RBFOX2: variants seen among roughly 807,000 people sequenced by gnomAD.
RBFOX2 encodes RNA binding protein fox-1 homolog 2.
RBFOX2 carries 10 observed loss-of-function variants against 49.1 expected under a neutral mutation model. That is an observed-to-expected ratio of 0.20 (90% CI 0.13 to 0.35). The LOEUF is 0.35. Ranked by LOEUF, RBFOX2 falls within the 10% of genes least tolerant of loss-of-function variation. The probability of loss-of-function intolerance (pLI) is 1.00; values close to 1 mark genes in which losing one functional copy is unlikely to be tolerated. For synonymous variants in RBFOX2, 183 were observed against 187.4 expected (o/e 0.98, Z 0.19); for missense variants, 323 against 486.9 (o/e 0.66, Z 3.17).
chr22:35,997,197 T>C (rs2058228221), intron 1 of RBFOX2: 1 of 152,238 alleles, frequency 6.6e-6, no homozygotes, highest in Non-Finnish European at 1.5e-5. Context: ...CAAATGGTTT[T>C]GATCAACACA....
intron 1 of RBFOX2, among the ~76,000 whole-genome samples, chr22:36,003,717 A>G (rs1156831885): frequency 2.0e-5 from 3 of 152,276 alleles, no homozygotes. Flanking sequence ...GTGACATCTA[A>G]TTAATTTGAT....
intron 1 of RBFOX2, among the ~76,000 whole-genome samples, chr22:35,869,417 C>T (rs1297216409): frequency 7.1e-6 from 1 of 140,586 alleles, no homozygotes; most frequent in Non-Finnish European, 1.5e-5. Context: ...CCTCAGCCTC[C>T]CAAAATGCTG....
intron 1 of RBFOX2, among the ~76,000 whole-genome samples, chr22:35,817,480 A>G (rs1295516661): frequency 5.2e-5 from 2 of 38,362 alleles, no homozygotes; most frequent in East Asian, 6.1e-4. Context: ...TTGTCTCAAA[A>G]TAAATAAATA....
intron 1 of RBFOX2, among the ~76,000 whole-genome samples, chr22:35,987,056 T>C (rs932634393): frequency 4.6e-5 from 7 of 152,140 alleles, no homozygotes; most frequent in African/African-American, 1.7e-4. Context: ...ATAGGTTTGG[T>C]GTTTTATCTT....
At chr22:35,747,638 A>C (rs1933252258) in intron 9 of RBFOX2, 1 of 152,254 alleles carries the variant, frequency 6.6e-6, no homozygotes, top group Non-Finnish European at 1.5e-5. Flanking sequence ...TCTACTTTTT[A>C]TTATTTATGA....
upstream of RBFOX2, among the ~76,000 whole-genome samples, chr22:35,845,520 T>A (rs1383301153): frequency 2.6e-5 from 4 of 151,926 alleles, no homozygotes; most frequent in South Asian, 8.3e-4. Context: ...AAACCACAAA[T>A]AACATAAACT....
chr22:35,755,544 T>C (rs1011416086), intron 9 of RBFOX2, among the ~76,000 whole-genome samples: 67 of 152,298 alleles, frequency 4.4e-4, no homozygotes, highest in Admixed American at 1.7e-3. Context: ...TACACACTCT[T>C]TGCTGGCATC....
At chr22:35,941,816 G>A (rs1345175356), upstream of RBFOX2, among the ~76,000 whole-genome samples, 1 of 152,176 alleles carries the variant, frequency 6.6e-6, no homozygotes, top group Non-Finnish European at 1.5e-5. Flanking sequence ...GTTGCACAGA[G>A]ATGTGTCAGA....
intron 6 of RBFOX2, 122 bp from the exon 8 acceptor site, chr22:35,761,590 G>A: frequency 1.0e-6 from 1 of 956,078 alleles, no homozygotes; most frequent in South Asian, 1.4e-5. Context: ...ACTTCTCTTT[G>A]GAATTCCAGC....
intron 1 of RBFOX2, among the ~76,000 whole-genome samples, chr22:35,979,529 T>G (rs549047394): frequency 6.6e-6 from 1 of 151,944 alleles, no homozygotes; most frequent in Non-Finnish European, 1.5e-5. Context: ...AAAGGCACAA[T>G]GAAAAAGGGT....
chr22:35,772,817 T>C (rs1943031425), intron 4 of RBFOX2, among the ~76,000 whole-genome samples: 1 of 152,164 alleles, frequency 6.6e-6, no homozygotes, highest in Non-Finnish European at 1.5e-5. Flanking sequence ...CTTTTTAGTC[T>C]GGCCTCAGAC....
intron 1 of RBFOX2, among the ~76,000 whole-genome samples, chr22:35,883,902 C>T (rs1203670474): frequency 6.6e-6 from 1 of 151,582 alleles, no homozygotes; most frequent in African/African-American, 2.4e-5. Flanking sequence ...TATACTAACA[C>T]TCTCCTTAAA....
At chr22:35,850,068 C>T (rs1043306115) in intron 1 of RBFOX2, among the ~76,000 whole-genome samples, 9 of 151,948 alleles carry the variant, frequency 5.9e-5, no homozygotes, top group South Asian at 2.1e-4. Flanking sequence ...GCTTTAAGTG[C>T]GTCAGAGAAT....
intron 1 of RBFOX2, among the ~76,000 whole-genome samples, chr22:35,879,303 C>CT (rs1158162078): frequency 6.6e-6 from 1 of 152,120 alleles, no homozygotes; most frequent in East Asian, 1.9e-4. Context: ...TATGTACAGT[C>CT]TTTTTTTCCT....
intron 1 of RBFOX2, among the ~76,000 whole-genome samples, chr22:35,878,039 TACACACAC>T (rs58181557): frequency 0.097 from 13,628 of 141,170 alleles, 1,160 homozygotes; most frequent in African/African-American, 0.24. Context: ...CTACTACTAC[TACACACAC>T]ACACACACAC....
intron 1 of RBFOX2, among the ~76,000 whole-genome samples, chr22:35,867,354 C>T (rs934646598): frequency 2.0e-5 from 3 of 152,152 alleles, no homozygotes; most frequent in Non-Finnish European, 2.9e-5. Flanking sequence ...ATGAGTACAT[C>T]TGCCAGCAGT....
At chr22:35,764,261 C>G (rs1940048217) in intron 6 of RBFOX2, among the ~76,000 whole-genome samples, 1 of 152,082 alleles carries the variant, frequency 6.6e-6, no homozygotes, top group African/African-American at 2.4e-5. Context: ...CACATACAGC[C>G]ATACTCTAGC....
intron 1 of RBFOX2, among the ~76,000 whole-genome samples, chr22:35,974,228 T>TA (rs2057029612): frequency 6.6e-6 from 1 of 152,200 alleles, no homozygotes; most frequent in South Asian, 2.1e-4. Context: ...GCCTTTTCCT[T>TA]AAAGGGAAAA....
intron 9 of RBFOX2, among the ~76,000 whole-genome samples, chr22:35,757,327 C>T (rs140635728): frequency 6.6e-6 from 1 of 151,820 alleles, no homozygotes; most frequent in East Asian, 1.9e-4. Context: ...AGACTTTCCC[C>T]AAAACATTAT....
Sources: gnomAD v4.1 joint callset for allele counts (sites outside exome capture counted in the v4.1 genomes callset) on GRCh38, gnomAD v4.1.1 for gene constraint, MANE v1.5 for transcripts, NCBI Gene and HGNC (gene_info 2026-07-23, HGNC 2026-07-21) for gene names.